Variants in TUSC3 observed in about 807,000 individuals in gnomAD.
TUSC3 encodes the protein dolichyl-diphosphooligosaccharide--protein glycosyltransferase subunit TUSC3.
TUSC3 carries 45 observed loss-of-function variants against 44.8 expected under a neutral mutation model. That is an observed-to-expected ratio of 1.00 (90% CI 0.79 to 1.29). The LOEUF (loss-of-function observed/expected upper bound fraction) is 1.29, where lower values mean the gene tolerates loss of function less well. Ranked by LOEUF, TUSC3 falls within the 50% of genes most tolerant of loss-of-function variation. The pLI, the probability that TUSC3 is intolerant of heterozygous loss-of-function variation, is 0.00. For synonymous variants in TUSC3, 212 were observed against 152.9 expected (o/e 1.39, Z -2.85); for missense variants, 519 against 437.9 (o/e 1.19, Z -1.65).
chr8:15,573,727 A>G (rs1045966032), intron 1 of TUSC3, among the ~76,000 whole-genome samples: 4 of 152,150 alleles, frequency 2.6e-5, no homozygotes, highest in East Asian at 1.9e-4. Flanking sequence ...GTGAGGAAAC[A>G]AAACAAATCT....
At chr8:15,473,580 A>C (rs1431125255) in intron 1 of TUSC3, among the ~76,000 whole-genome samples, 4 of 152,202 alleles carry the variant, frequency 2.6e-5, no homozygotes, top group Admixed American at 6.5e-5. Flanking sequence ...ATGAAGAGAA[A>C]GAGTACAAAG....
At chr8:15,575,934 T>G (rs1295400178) in intron 1 of TUSC3, among the ~76,000 whole-genome samples, 1 of 151,286 alleles carries the variant, frequency 6.6e-6, no homozygotes, top group Non-Finnish European at 1.5e-5. Flanking sequence ...ATAATCAAAT[T>G]TATGGTTTAT....
At position 15,464,652 on chromosome 8, in the gene TUSC3, G is replaced by A. The variant is rs562163317; in HGVS notation, n.92-18734G>A. Among the ~76,000 whole-genome samples the A allele has an allele frequency of 1.4e-4, 22 of 152,258 alleles. 1 individual carries two copies. The highest frequency in any genetic ancestry group is 5.1e-4 in the African/African-American group (21 of 41,552). On this transcript the variant is annotated intron_variant and non_coding_transcript_variant, in intron 1 of 5. Transcript: ENST00000503191. ...TATATCAGTTAGCTTTAATTTTTCA[G>A]TTGGAGATATGGGACTTTAATTTTT...
the TUSC3 span, among the ~76,000 whole-genome samples, chr8:15,776,374 C>G: frequency 2.0e-5 from 3 of 151,988 alleles, no homozygotes; most frequent in Admixed American, 6.6e-5. Flanking sequence ...ACACGTCTTA[C>G]CATTCATCTT....
At chr8:15,715,547 G>C (rs1447757581) in intron 6 of TUSC3, among the ~76,000 whole-genome samples, 1 of 151,964 alleles carries the variant, frequency 6.6e-6, no homozygotes, top group Non-Finnish European at 1.5e-5. Flanking sequence ...CACACTACTC[G>C]GAACAGCCTG....
intron 1 of TUSC3, among the ~76,000 whole-genome samples, chr8:15,446,216 G>A (rs567934570): frequency 4.0e-5 from 6 of 151,626 alleles, no homozygotes; most frequent in Admixed American, 3.3e-4. Flanking sequence ...TTGGGTGGCC[G>A]GGCAGAGAGG....
chr8:15,561,957 C>A (rs1384974136), intron 1 of TUSC3, among the ~76,000 whole-genome samples: 1 of 152,172 alleles, frequency 6.6e-6, no homozygotes, highest in Non-Finnish European at 1.5e-5. Flanking sequence ...GCAGAAATCA[C>A]CATCTTCTGC....
At chr8:15,455,539 CAT>C (rs1042655002) in intron 1 of TUSC3, among the ~76,000 whole-genome samples, 2 of 151,978 alleles carry the variant, frequency 1.3e-5, no homozygotes, top group Non-Finnish European at 2.9e-5. Flanking sequence ...CAGAGGCACA[CAT>C]ATATATGCAT....
intron 1 of TUSC3, among the ~76,000 whole-genome samples, chr8:15,567,960 C>T (rs1802737501): frequency 6.6e-6 from 1 of 152,132 alleles, no homozygotes; most frequent in African/African-American, 2.4e-5. Flanking sequence ...TAGGCCTCCA[C>T]TCCTTTTTCT....
intron 1 of TUSC3, among the ~76,000 whole-genome samples, chr8:15,621,675 A>G (rs1265561176): frequency 1.3e-5 from 2 of 148,838 alleles, no homozygotes; most frequent in Non-Finnish European, 3.0e-5. Context: ...ATTTTTATAT[A>G]TAAATCTATA....
At chr8:15,539,679 A>C (rs74351100), upstream of TUSC3, among the ~76,000 whole-genome samples, 3,357 of 152,192 alleles carry the variant, frequency 0.022, 58 homozygotes, top group African/African-American at 0.043. Flanking sequence ...TATTCATAGA[A>C]TAGAAATTGA....
chr8:15,617,571 A>C (rs561474779), intron 1 of TUSC3, among the ~76,000 whole-genome samples: 3 of 152,294 alleles, frequency 2.0e-5, no homozygotes, highest in Non-Finnish European at 4.4e-5. Flanking sequence ...AGCCAGATGT[A>C]TATTTACTTA....
the TUSC3 span, chr8:15,806,403 G>A: frequency 1.4e-6 from 1 of 721,960 alleles, no homozygotes; most frequent in East Asian, 2.6e-5. Context: ...TGCTTCTGGT[G>A]ATACTTTGGG....
rs142239533 is a variant in TUSC3, at chr8:15,635,754, A to G, written c.308+12505A>G. 2.8e-3 allele frequency among the ~76,000 whole-genome samples: 431 copies of G among 152,270 alleles called. 3 individuals carry two copies. The highest frequency in any genetic ancestry group is 1.0e-2 in the African/African-American group (415 of 41,570). On this transcript the variant is annotated intron_variant, in intron 2 of 10. Coordinates refer to ENST00000503731, the MANE Select transcript of TUSC3 (RefSeq NM_006765.4). The stretch of plus-strand genomic sequence containing the variant: ...CAAGGTAAACAGGCCAATGTTTGAT[A>G]AGAGTCTCAAGTCTAGTATTCATTG...
intron 6 of TUSC3, among the ~76,000 whole-genome samples, chr8:15,713,240 T>A (rs1401876023): frequency 6.6e-6 from 1 of 152,194 alleles, no homozygotes; most frequent in Non-Finnish European, 1.5e-5. Context: ...TACAGTTTTA[T>A]GTGGTTTCTT....
the TUSC3 span, among the ~76,000 whole-genome samples, chr8:15,778,912 G>T: frequency 6.6e-6 from 1 of 151,970 alleles, no homozygotes; most frequent in Non-Finnish European, 1.5e-5. Flanking sequence ...CTGTCCTTCT[G>T]AGTTTACGTT....
chr8:15,825,162 A>G, the TUSC3 span, among the ~76,000 whole-genome samples: 1 of 152,104 alleles, frequency 6.6e-6, no homozygotes, highest in Non-Finnish European at 1.5e-5. Flanking sequence ...GCCAATGACA[A>G]TTTTATTCAC....
At chr8:15,750,895 G>C (rs534442154) in intron 9 of TUSC3, among the ~76,000 whole-genome samples, 31 of 152,130 alleles carry the variant, frequency 2.0e-4, no homozygotes, top group Non-Finnish European at 3.4e-4. Flanking sequence ...TTTTAGAGTG[G>C]TTTGTGAATA....
At chr8:15,848,032 T>C in the TUSC3 span, among the ~76,000 whole-genome samples, 7 of 152,310 alleles carry the variant, frequency 4.6e-5, no homozygotes, top group East Asian at 1.4e-3. Context: ...CTTTTTCCTT[T>C]CTTTCTGCTT....
Sources: allele counts gnomAD v4.1 joint callset (sites outside exome capture counted in the v4.1 genomes callset), GRCh38; gene constraint gnomAD v4.1.1; transcripts MANE v1.5; gene names NCBI Gene and HGNC (gene_info 2026-07-23, HGNC 2026-07-21).